The following GPR83 variants were observed in gnomAD, a reference collection of about 807,000 sequenced individuals.
The protein encoded by GPR83 is G-protein coupled receptor 72.
Under a neutral mutation model 28.0 loss-of-function variants are expected in GPR83, and 23 were observed. That is an observed-to-expected ratio of 0.82 (90% CI 0.59 to 1.16). The LOEUF (loss-of-function observed/expected upper bound fraction) is 1.16, where lower values mean the gene tolerates loss of function less well. Among genes scored for constraint, GPR83 ranks in the 50% most tolerant of loss-of-function variants. GPR83 has a pLI of 0.00. For synonymous variants in GPR83, 234 were observed against 215.4 expected, an observed-to-expected ratio of 1.09 and a Z score of -0.76; for missense variants, 610 against 536.6, an observed-to-expected ratio of 1.14 and a Z score of -1.35.
chr11:94,378,634 T>C lies in GPR83; in HGVS notation c.*1515A>G, dbSNP rs1207939401. 3 of 152,602 alleles carry C rather than the reference T, an allele frequency of 2.0e-5. No individual in the cohort carries two copies. Among genetic ancestry groups the C allele is most frequent in the African/African-American group, 7.2e-5 (3 of 41,426 alleles). The allele number at this position is 152,602 out of a possible 1,614,324, so 9.5% of individuals were successfully genotyped here. A position where few individuals can be genotyped will look rare whatever the true frequency, so the allele number is the denominator to read the frequency against. On this transcript the variant is annotated 3_prime_UTR_variant, in exon 4 of 4. Transcript: ENST00000243673. ...TTACACCTGAACCACCAAAATGATG[T>C]TGACAGCGAATCTCCTTTTGAGAAA...
intron 3 of GPR83, 23 bp downstream of exon 3, chr11:94,393,462 A>G (rs2134693691): frequency 6.2e-7 from 1 of 1,612,916 alleles, no homozygotes; most frequent in South Asian, 1.1e-5. Context: ...GTCCCCAGGC[A>G]GATCCCAACG....
intron 3 of GPR83, among the ~76,000 whole-genome samples, chr11:94,381,452 T>A (rs1944687993): frequency 6.6e-6 from 1 of 152,076 alleles, no homozygotes; most frequent in Non-Finnish European, 1.5e-5. Flanking sequence ...GGGTGAGTGA[T>A]TCATTTCAAT....
chr11:94,388,061 C>G (rs564041722), intron 3 of GPR83, among the ~76,000 whole-genome samples: 16 of 152,240 alleles, frequency 1.1e-4, no homozygotes, highest in East Asian at 1.9e-4. Flanking sequence ...TAAACAGAAC[C>G]AATGACAAAA....
intron 1 of GPR83, among the ~76,000 whole-genome samples, chr11:94,400,432 G>A (rs1468685670): frequency 1.3e-5 from 2 of 148,664 alleles, no homozygotes; most frequent in Non-Finnish European, 3.0e-5. Context: ...GGAGAGGTGG[G>A]GAGAGGAGAG....
intron 3 of GPR83, among the ~76,000 whole-genome samples, chr11:94,381,074 T>C (rs1395206751): frequency 1.3e-5 from 2 of 152,210 alleles, no homozygotes; most frequent in Non-Finnish European, 2.9e-5. Flanking sequence ...AATGAAATGC[T>C]CATGTTTCCA....
At chr11:94,392,109 G>T (rs1442517556) in intron 3 of GPR83, among the ~76,000 whole-genome samples, 7 of 152,088 alleles carry the variant, frequency 4.6e-5, no homozygotes, top group Admixed American at 4.6e-4. Context: ...TAAAGAAAAT[G>T]TGGCACACAT....
chr11:94,395,999 C>T (rs921082740), intron 2 of GPR83, among the ~76,000 whole-genome samples: 8 of 152,204 alleles, frequency 5.3e-5, no homozygotes, highest in African/African-American at 1.9e-4. Flanking sequence ...GCGGGTGGAT[C>T]ACCTGAGGTC....
In GPR83 at chr11:94,393,584, A is replaced by G. The variant is rs569609499; in HGVS notation, c.548T>C (p.Ile183Thr). Reference sequence around the variant, plus strand: ...AGCGATGTAGATGACACCCTTTGTGATTGAGATCCGGGGTTTCAAGGGGTG... The same window carrying G: ...AGCGATGTAGATGACACCCTTTGTGGTTGAGATCCGGGGTTTCAAGGGGTG... ...IMHPLKPRIS[I>T]TKGVIYIAVI... Residue 183 changes from isoleucine (I) to threonine (T), a missense_variant, in exon 3 of 4, where the codon ATC becomes ACC. Physicochemically the swap from Ile to Thr is moderately conservative, Grantham distance 89. Transcript: ENST00000243673. 6.2e-7 allele frequency: 1 copy of G among 1,613,996 alleles called. No homozygotes were observed. Among genetic ancestry groups the G allele is most frequent in the Non-Finnish European group, 8.5e-7 (1 of 1,179,840 alleles).
chr11:94,387,907 T>C (rs1258232880), intron 3 of GPR83, among the ~76,000 whole-genome samples: 1 of 152,096 alleles, frequency 6.6e-6, no homozygotes, highest in East Asian at 1.9e-4. Flanking sequence ...CAGACGAACA[T>C]CAATGCAAAA....
At chr11:94,388,502 A>C (rs1944782247) in intron 3 of GPR83, among the ~76,000 whole-genome samples, 1 of 152,224 alleles carries the variant, frequency 6.6e-6, no homozygotes, top group Non-Finnish European at 1.5e-5. Context: ...AATGTGCAAA[A>C]ATCACAAGCA....
rs185580221 is a variant in GPR83, at chr11:94,399,459, T to G, written c.387+1402A>C. On this transcript the variant is annotated intron_variant, in intron 1 of 3. Transcript: ENST00000243673. ...GAGTTAGGGGATGGAATTCTCATCC[T>G]GGCTCTGCCAACTACTGGCCAGGTG... 2.7e-3 allele frequency among the ~76,000 whole-genome samples: 418 copies of G among 152,346 alleles called. 1 individual carries two copies. Among genetic ancestry groups the G allele is most frequent in the Middle Eastern group, 0.024 (7 of 294 alleles).
chr11:94,389,540 A>T (rs763912188), intron 3 of GPR83, among the ~76,000 whole-genome samples: 2 of 152,246 alleles, frequency 1.3e-5, no homozygotes, highest in Non-Finnish European at 2.9e-5. Flanking sequence ...AAAAGAAGAC[A>T]TTTATGCAGC....
chr11:94,382,519 C>G (rs987999324), intron 3 of GPR83, among the ~76,000 whole-genome samples: 4 of 151,976 alleles, frequency 2.6e-5, no homozygotes, highest in Non-Finnish European at 5.9e-5. Context: ...ACAGGAGCAC[C>G]CAGATTCATA....
intron 2 of GPR83, among the ~76,000 whole-genome samples, 172 bp downstream of exon 2, chr11:94,396,227 A>C (rs909339821): frequency 3.9e-5 from 6 of 152,236 alleles, no homozygotes; most frequent in Admixed American, 3.9e-4. Context: ...TCTCAAAAAA[A>C]AATTATGACA....
At chr11:94,385,688 T>C (rs1175282497) in intron 3 of GPR83, among the ~76,000 whole-genome samples, 1 of 152,168 alleles carries the variant, frequency 6.6e-6, no homozygotes, top group African/African-American at 2.4e-5. Flanking sequence ...CCAAGAAATA[T>C]GGGACTATGC....
At chr11:94,400,840 G>C (rs1368766709) in intron 1 of GPR83, 21 bp downstream of exon 1, 2 of 1,607,560 alleles carry the variant, frequency 1.2e-6, no homozygotes, top group Non-Finnish European at 1.7e-6. Flanking sequence ...AAGGTGGGGC[G>C]GCAGGCAGCG....
chr11:94,380,156 A>T lies in GPR83; in HGVS notation c.1265T>A (p.Met422Lys). Reference protein sequence around the residue: ...DLSSVEPIVTMS With the variant: ...DLSSVEPIVTKS ...CCCTCTTCCCAACCTCTTCTAACTC[A>T]TCGTCACAATGGGTTCCACAGATGA... is the stretch of plus-strand genomic sequence containing the variant. Residue 422 changes from methionine (M) to lysine (K), a missense_variant, in exon 4 of 4, where the codon ATG (methionine) becomes AAG (lysine). By Grantham distance (95) the Met-to-Lys change is moderately conservative. Transcript: ENST00000243673. 1.3e-6 allele frequency: 2 copies of T among 1,512,046 alleles called. No homozygotes were observed. Among genetic ancestry groups the T allele is most frequent in the Non-Finnish European group, 1.8e-6 (2 of 1,130,936 alleles). 93.7% of individuals were successfully genotyped at this position (1,512,046 alleles called of 1,614,324 possible).
intron 3 of GPR83, among the ~76,000 whole-genome samples, chr11:94,383,210 C>T (rs755749606): frequency 5.3e-5 from 8 of 150,568 alleles, no homozygotes; most frequent in Non-Finnish European, 8.9e-5. Flanking sequence ...TACATGGAAA[C>T]TGAACAACCA....
chr11:94,393,132 GTGTGAGAGGTTTACACCT>G (rs1276635261), intron 3 of GPR83, among the ~76,000 whole-genome samples: 12 of 152,358 alleles, frequency 7.9e-5, no homozygotes, highest in East Asian at 7.7e-4. Context: ...TTTGTAGATA[GTGTGAGAGGTTTACACCT>G]TGCTCCTTTT....
Sources: gnomAD v4.1 joint callset for allele counts (sites outside exome capture counted in the v4.1 genomes callset) on GRCh38, gnomAD v4.1.1 for gene constraint, MANE v1.5 for transcripts, NCBI Gene and HGNC (gene_info 2026-07-23, HGNC 2026-07-21) for gene names.